The following ANGPT1 variants were observed in gnomAD, a reference collection of about 807,000 sequenced individuals.
ANGPT1 encodes the protein angiopoietin 1.
A neutral mutation model predicts 62.2 loss-of-function variants in ANGPT1; 17 were observed. The observed-to-expected ratio is 0.27, with a 90% CI of 0.19 to 0.41. The LOEUF (loss-of-function observed/expected upper bound fraction) is 0.41, where lower values mean the gene tolerates loss of function less well. ANGPT1 is among the 10% of genes least tolerant of loss of function. ANGPT1 has a pLI of 1.00. For missense variants in ANGPT1, 478 were observed against 594.9 expected, an observed-to-expected ratio of 0.80 and a Z score of 2.04; for synonymous variants, 199 against 198.9, an observed-to-expected ratio of 1.00 and a Z score of 0.00.
intron 1 of ANGPT1, among the ~76,000 whole-genome samples, chr8:107,450,072 C>T (rs1001540698): frequency 6.6e-6 from 1 of 151,986 alleles, no homozygotes; most frequent in Non-Finnish European, 1.5e-5. Context: ...AAAATTAACA[C>T]AGTATGGCAA....
At chr8:107,324,231 G>GTGTA (rs1391412446) in intron 3 of ANGPT1, among the ~76,000 whole-genome samples, 1 of 151,258 alleles carries the variant, frequency 6.6e-6, no homozygotes, top group African/African-American at 2.4e-5. Flanking sequence ...GTGTGTGTGT[G>GTGTA]TGTGTGAAGT....
At chr8:107,396,921 C>A (rs1239887100) in intron 1 of ANGPT1, among the ~76,000 whole-genome samples, 1 of 151,922 alleles carries the variant, frequency 6.6e-6, no homozygotes, top group Non-Finnish European at 1.5e-5. Context: ...TGTTGACCGG[C>A]ACTTCAGCAA....
chr8:107,444,165 A>G (rs1811554064), intron 1 of ANGPT1, among the ~76,000 whole-genome samples: 1 of 152,210 alleles, frequency 6.6e-6, no homozygotes, highest in Non-Finnish European at 1.5e-5. Context: ...CTTAATGCCA[A>G]ACAAAACCCC....
intron 1 of ANGPT1, among the ~76,000 whole-genome samples, chr8:107,401,616 A>G (rs1028361665): frequency 6.6e-6 from 1 of 152,250 alleles, no homozygotes; most frequent in South Asian, 2.1e-4. Flanking sequence ...TTAGCCAAAG[A>G]GTAAGATAGT....
At chr8:107,361,185 A>C (rs1438974542) in intron 1 of ANGPT1, among the ~76,000 whole-genome samples, 1 of 152,074 alleles carries the variant, frequency 6.6e-6, no homozygotes, top group East Asian at 1.9e-4. Context: ...ATTCTCATAG[A>C]ATGAGCTCTA....
At chr8:107,476,062 T>G (rs1563640079) in intron 1 of ANGPT1, among the ~76,000 whole-genome samples, 1 of 152,214 alleles carries the variant, frequency 6.6e-6, no homozygotes, top group Admixed American at 6.5e-5. Context: ...AAATACCATT[T>G]GACCCAGCTA....
intron 1 of ANGPT1, among the ~76,000 whole-genome samples, chr8:107,349,122 TTAGATAGATAGA>T (rs142050677): frequency 7.6e-5 from 11 of 143,802 alleles, no homozygotes; most frequent in East Asian, 2.1e-4. Context: ...GATAAGGAGA[TTAGATAGATAGA>T]TAGATAGATA....
At chr8:107,457,378 AATG>A (rs1252836314) in intron 1 of ANGPT1, among the ~76,000 whole-genome samples, 3 of 152,148 alleles carry the variant, frequency 2.0e-5, no homozygotes, top group African/African-American at 7.2e-5. Flanking sequence ...TATCCTAAGG[AATG>A]AGATAGTCAA....
chr8:107,484,562 T>G (rs974749612), intron 1 of ANGPT1, among the ~76,000 whole-genome samples: 1 of 152,056 alleles, frequency 6.6e-6, no homozygotes, highest in African/African-American at 2.4e-5. Context: ...CCAGCCACCA[T>G]GCCAGGCTAA....
intron 1 of ANGPT1, among the ~76,000 whole-genome samples, chr8:107,370,372 G>GAAA (rs1303734207): frequency 0.012 from 434 of 35,020 alleles, 65 homozygotes; most frequent in East Asian, 0.11. Context: ...AAGAAAGAAA[G>GAAA]AAAGAAAGAA....
In ANGPT1 at chr8:107,418,439, G is replaced by C. The variant is rs570665258; in HGVS notation, c.298-71342C>G. ...GTTTGTGATGATACCAAGTTGCTTA[G>C]TATTCCGTGACATTCAACTGAATTT... On this transcript the variant is annotated intron_variant, in intron 1 of 8. Coordinates refer to ENST00000517746, the MANE Select transcript of ANGPT1 (RefSeq NM_001146.5). Among the ~76,000 whole-genome samples, 3 of 152,288 alleles carry C rather than the reference G, an allele frequency of 2.0e-5. No homozygotes were observed. In the East Asian group the frequency reaches 5.8e-4, roughly 29 times the overall value.
intron 1 of ANGPT1, among the ~76,000 whole-genome samples, chr8:107,483,454 C>T (rs1812736765): frequency 6.6e-6 from 1 of 152,070 alleles, no homozygotes. Context: ...TCTTGACTGT[C>T]AGTAAGAGAT....
chr8:107,319,767 T>C (rs1815106866), intron 4 of ANGPT1, among the ~76,000 whole-genome samples: 1 of 152,062 alleles, frequency 6.6e-6, no homozygotes, highest in African/African-American at 2.4e-5. Context: ...AAAATCTTCA[T>C]AAAAACCTTA....
At chr8:107,336,732 C>A (rs1318433366) in intron 2 of ANGPT1, among the ~76,000 whole-genome samples, 2 of 150,634 alleles carry the variant, frequency 1.3e-5, no homozygotes, top group Non-Finnish European at 2.9e-5. Context: ...GTTTTACATG[C>A]CTTTCAGATA....
At chr8:107,460,766 T>A (rs1322659243) in intron 1 of ANGPT1, among the ~76,000 whole-genome samples, 1 of 152,194 alleles carries the variant, frequency 6.6e-6, no homozygotes, top group African/African-American at 2.4e-5. Context: ...TCCAGTTATC[T>A]CTCATTTAGA....
intron 3 of ANGPT1, among the ~76,000 whole-genome samples, chr8:107,332,028 CA>C (rs1815434060): frequency 6.6e-6 from 1 of 152,144 alleles, no homozygotes. Flanking sequence ...GAAAACTGGC[CA>C]GTTGACCAAA....
At chr8:107,287,273 T>G (rs4595097) in intron 6 of ANGPT1, among the ~76,000 whole-genome samples, 118,451 of 152,092 alleles carry the variant, frequency 0.78, 46,536 homozygotes, top group Middle Eastern at 0.85. Flanking sequence ...GCCTTAGAAA[T>G]GGACAAGCAT....
At chr8:107,447,551 T>C (rs1451155035) in intron 1 of ANGPT1, among the ~76,000 whole-genome samples, 1 of 152,234 alleles carries the variant, frequency 6.6e-6, no homozygotes, top group Non-Finnish European at 1.5e-5. Context: ...ACTCCTCCTT[T>C]AGTTATCTGC....
At chr8:107,450,117 A>G (rs1324414575) in intron 1 of ANGPT1, among the ~76,000 whole-genome samples, 2 of 152,130 alleles carry the variant, frequency 1.3e-5, no homozygotes, top group Non-Finnish European at 2.9e-5. Context: ...AAGCTGACAC[A>G]GAACTAAAAA....
Sources: gnomAD v4.1 joint callset for allele counts (sites outside exome capture counted in the v4.1 genomes callset) on GRCh38, gnomAD v4.1.1 for gene constraint, MANE v1.5 for transcripts, NCBI Gene and HGNC (gene_info 2026-07-23, HGNC 2026-07-21) for gene names.